Variants in DNAH9 observed in about 807,000 individuals in gnomAD.
DNAH9 encodes dynein axonemal heavy chain 9, also known as DNAH9 variant protein.
A neutral mutation model predicts 471.6 loss-of-function variants in DNAH9; 345 were observed. That is an observed-to-expected ratio of 0.73 (90% CI 0.67 to 0.80). DNAH9 has a LOEUF of 0.80. Among genes scored for constraint, DNAH9 ranks in the 30% least tolerant of loss-of-function variants. DNAH9 has a pLI of 0.00. For synonymous variants in DNAH9, 2,093 were observed against 2,123.6 expected, an observed-to-expected ratio of 0.99 and a Z score of 0.40; for missense variants, 5,407 against 5,609.2, an observed-to-expected ratio of 0.96 and a Z score of 1.15.
At chr17:11,903,945 G>C (rs992206791) in intron 60 of DNAH9, among the ~76,000 whole-genome samples, 1 of 151,602 alleles carries the variant, frequency 6.6e-6, no homozygotes, top group Non-Finnish European at 1.5e-5. Flanking sequence ...AAAATACCAG[G>C]GAGACCAAGA....
At chr17:11,782,911 T>C (rs1852465615) in intron 39 of DNAH9, among the ~76,000 whole-genome samples, 1 of 152,126 alleles carries the variant, frequency 6.6e-6, no homozygotes. Context: ...AAGAATAAAT[T>C]AAAAATAAAC....
intron 27 of DNAH9, 29 bp from the exon 28 acceptor site, chr17:11,727,789 T>C: frequency 6.7e-7 from 1 of 1,496,620 alleles, no homozygotes. Context: ...GGCCCGTTGG[T>C]AATTTAATCT....
intron 21 of DNAH9, 117 bp downstream of exon 21, chr17:11,694,115 C>A: frequency 7.2e-7 from 1 of 1,383,360 alleles, no homozygotes; most frequent in Non-Finnish European, 9.9e-7. Context: ...CCTTTCTTTG[C>A]CTGTGTGTTT....
chr17:11,847,833 G>T (rs934645636), intron 49 of DNAH9, among the ~76,000 whole-genome samples: 8 of 152,004 alleles, frequency 5.3e-5, no homozygotes, highest in African/African-American at 1.5e-4. Context: ...CTAGGTTTTT[G>T]TGACCTTTGG....
In DNAH9 at chr17:11,905,558, C is replaced by T. The variant is rs1973567004; in HGVS notation, c.11601-103C>T. On this transcript the variant is annotated intron_variant, in intron 60 of 68. Transcript: ENST00000262442. ...AGCTCTATAACTACCTAGCCCATGA[C>T]CTTGAGCATGTTCTTTCATTTCTAT... 5.5e-6 allele frequency: 7 copies of T among 1,279,480 alleles called. No homozygotes were observed. The South Asian group carries it at 8.8e-5, about 16-fold the overall frequency. The allele number at this position is 1,279,480 out of a possible 1,614,324, so 79.3% of individuals were successfully genotyped here. A position where few individuals can be genotyped will look rare whatever the true frequency, so the allele number is the denominator to read the frequency against.
intron 7 of DNAH9, among the ~76,000 whole-genome samples, chr17:11,629,958 A>G (rs2073036778): frequency 6.6e-6 from 1 of 152,076 alleles, no homozygotes; most frequent in Non-Finnish European, 1.5e-5. Flanking sequence ...CAAATGTTGC[A>G]TGGTCTCAAC....
intron 43 of DNAH9, among the ~76,000 whole-genome samples, chr17:11,801,432 G>C (rs1969455885): frequency 6.6e-6 from 1 of 152,200 alleles, no homozygotes; most frequent in African/African-American, 2.4e-5. Context: ...GCTCATGCCT[G>C]TAATCCCAGC....
chr17:11,915,807 C>G (rs1214547007), intron 61 of DNAH9, among the ~76,000 whole-genome samples: 1 of 152,222 alleles, frequency 6.6e-6, no homozygotes, highest in Non-Finnish European at 1.5e-5. Flanking sequence ...ACTAGAGATT[C>G]TTACAGCACT....
intron 64 of DNAH9, 144 bp from the exon 65 acceptor site, chr17:11,933,736 G>T (rs1465449606): frequency 2.7e-6 from 2 of 735,684 alleles, no homozygotes; most frequent in Non-Finnish European, 4.3e-6. Flanking sequence ...GGCACTGAGG[G>T]TATGGAGAAA....
chr17:11,823,779 A>G (rs1165035279), intron 48 of DNAH9, among the ~76,000 whole-genome samples: 1 of 152,004 alleles, frequency 6.6e-6, no homozygotes, highest in Admixed American at 6.5e-5. Flanking sequence ...AAAATACAAA[A>G]ATTAGCTGGG....
chr17:11,946,663 C>CAAAAA (rs754149437), intron 67 of DNAH9, among the ~76,000 whole-genome samples: 1 of 67,930 alleles, frequency 1.5e-5, no homozygotes, highest in Admixed American at 1.9e-4. Flanking sequence ...GACTCCATCT[C>CAAAAA]AAAAAAAAAA....
rs2075188667 is a variant in DNAH9, at chr17:11,728,084, G to A, written c.5814+162G>A. 1.2e-5 allele frequency: 7 copies of A among 601,956 alleles called. No individual in the cohort carries two copies. In the South Asian group the frequency reaches 1.5e-4, roughly 13 times the overall value. 37.3% of individuals were successfully genotyped at this position (601,956 alleles called of 1,614,324 possible). A position where few individuals can be genotyped will look rare whatever the true frequency, so the allele number is the denominator to read the frequency against. ...TCTAAAATCAGGCTCCAGGGAAGCT[G>A]TCCTCCAAAATGGGTATCCTTCTGT... On this transcript the variant is annotated intron_variant, in intron 28 of 68. Coordinates refer to ENST00000262442, the MANE Select transcript of DNAH9 (RefSeq NM_001372.4).
chr17:11,615,471 G>A (rs1207439015), intron 4 of DNAH9, among the ~76,000 whole-genome samples: 1 of 152,002 alleles, frequency 6.6e-6, no homozygotes, highest in Non-Finnish European at 1.5e-5. Context: ...TGTAATCCCA[G>A]CTACTAGGGA....
chr17:11,729,900 C>T (rs547179554), intron 28 of DNAH9, among the ~76,000 whole-genome samples: 8 of 152,332 alleles, frequency 5.3e-5, no homozygotes, highest in Middle Eastern at 3.4e-3. Context: ...TCAGACCATC[C>T]GCAAATCCAT....
intron 50 of DNAH9, among the ~76,000 whole-genome samples, chr17:11,861,844 T>C (rs964968123): frequency 1.3e-5 from 2 of 151,372 alleles, no homozygotes; most frequent in African/African-American, 4.8e-5. Context: ...TGTCTGTTCA[T>C]GTCCTTTGCC....
chr17:11,845,576 G>A (rs1597726748), intron 49 of DNAH9, among the ~76,000 whole-genome samples: 2 of 145,278 alleles, frequency 1.4e-5, no homozygotes, highest in South Asian at 2.2e-4. Context: ...CTGAGGAATC[G>A]CCACACTGAC....
rs779847496 is a variant in DNAH9, at chr17:11,757,540, C to T, written c.6848-5C>T. The T allele has an allele frequency of 1.2e-5, 20 of 1,611,230 alleles. No homozygotes were observed. The highest frequency in any genetic ancestry group is 3.3e-4 in the Middle Eastern group (2 of 6,052). The stretch of plus-strand genomic sequence containing the variant: ...TTCACTAAACTGTATTCTCTGTGCT[C>T]ACAGGGATCTTGTACATCAACCCGG... On this transcript the variant is annotated splice_polypyrimidine_tract_variant and splice_region_variant and intron_variant, in intron 34 of 68. Coordinates refer to ENST00000262442, the MANE Select transcript of DNAH9 (RefSeq NM_001372.4).
chr17:11,640,063 C>T (rs1001690242), intron 9 of DNAH9, among the ~76,000 whole-genome samples: 7 of 152,192 alleles, frequency 4.6e-5, no homozygotes, highest in African/African-American at 1.7e-4. Flanking sequence ...GCATGGGACC[C>T]AGGTCCCCTG....
chr17:11,945,594 A>G (rs1450875230), intron 67 of DNAH9, among the ~76,000 whole-genome samples: 1 of 151,690 alleles, frequency 6.6e-6, no homozygotes, highest in Non-Finnish European at 1.5e-5. Context: ...AAACGATGGG[A>G]ATACACAGAC....
Sources: allele counts gnomAD v4.1 joint callset (sites outside exome capture counted in the v4.1 genomes callset), GRCh38; gene constraint gnomAD v4.1.1; transcripts MANE v1.5; gene names NCBI Gene and HGNC (gene_info 2026-07-23, HGNC 2026-07-21).